Variants in AUTS2 observed in about 807,000 individuals in gnomAD.
The protein encoded by AUTS2 is autism susceptibility gene 2 protein.
AUTS2 carries 17 observed loss-of-function variants against 112.4 expected under a neutral mutation model. That is an observed-to-expected ratio of 0.15 (90% CI 0.10 to 0.23). The LOEUF (loss-of-function observed/expected upper bound fraction) is 0.23, where lower values mean the gene tolerates loss of function less well. AUTS2 is among the 10% of genes least tolerant of loss of function. The probability of loss-of-function intolerance (pLI) is 1.00; values close to 1 mark genes in which losing one functional copy is unlikely to be tolerated. For missense variants in AUTS2, 1,510 were observed against 1,701.6 expected (o/e 0.89, Z 1.98); for synonymous variants, 751 against 702.7 (o/e 1.07, Z -1.09).
At chr7:70,643,261 A>G (rs1421210113) in intron 5 of AUTS2, among the ~76,000 whole-genome samples, 1 of 152,200 alleles carries the variant, frequency 6.6e-6, no homozygotes, top group Non-Finnish European at 1.5e-5. Flanking sequence ...TGTCTTGTGG[A>G]CACGGAACAT....
intron 5 of AUTS2, among the ~76,000 whole-genome samples, chr7:70,591,388 G>GTTTA (rs1361087726): frequency 6.7e-6 from 1 of 149,600 alleles, no homozygotes; most frequent in African/African-American, 2.5e-5. Context: ...CCCAGTCTTT[G>GTTTA]TTTGTTTGTT....
intron 5 of AUTS2, among the ~76,000 whole-genome samples, chr7:70,463,235 G>C (rs925213903): frequency 2.0e-5 from 3 of 152,210 alleles, no homozygotes; most frequent in Non-Finnish European, 2.9e-5. Flanking sequence ...CACTTTGGCA[G>C]AGCCTTGAAA....
chr7:70,235,262 T>G (rs1812261729), intron 4 of AUTS2, among the ~76,000 whole-genome samples: 1 of 151,886 alleles, frequency 6.6e-6, no homozygotes. Flanking sequence ...GCCTCCTGAT[T>G]AGCTGGGACT....
intron 6 of AUTS2, among the ~76,000 whole-genome samples, chr7:70,715,285 A>C (rs1317730701): frequency 6.6e-6 from 1 of 152,198 alleles, no homozygotes; most frequent in Non-Finnish European, 1.5e-5. Flanking sequence ...AGCTTTTCTT[A>C]CATGGTTTGT....
chr7:69,609,052 A>G (rs879560402), intron 1 of AUTS2, among the ~76,000 whole-genome samples: 2 of 152,228 alleles, frequency 1.3e-5, no homozygotes, highest in Non-Finnish European at 2.9e-5. Flanking sequence ...AGAGGCACAG[A>G]TGTTGTCTTT....
intron 5 of AUTS2, among the ~76,000 whole-genome samples, chr7:70,647,370 C>G (rs771466166): frequency 1.3e-5 from 2 of 152,232 alleles, no homozygotes; most frequent in African/African-American, 4.8e-5. Flanking sequence ...TCTGCAAGCC[C>G]TGAATGTGCC....
At chr7:70,644,297 G>C (rs1428125348) in intron 5 of AUTS2, among the ~76,000 whole-genome samples, 1 of 152,198 alleles carries the variant, frequency 6.6e-6, no homozygotes, top group Non-Finnish European at 1.5e-5. Context: ...GAGGAGTGGT[G>C]ATGGAGAGGG....
At chr7:69,958,615 G>A (rs1262854598) in intron 2 of AUTS2, among the ~76,000 whole-genome samples, 1 of 152,124 alleles carries the variant, frequency 6.6e-6, no homozygotes, top group Non-Finnish European at 1.5e-5. Flanking sequence ...CTGACACTGT[G>A]TGGCCTTCTC....
chr7:69,896,816 C>T (rs1304435914), intron 1 of AUTS2, among the ~76,000 whole-genome samples: 3 of 152,196 alleles, frequency 2.0e-5, no homozygotes, highest in African/African-American at 7.2e-5. Context: ...CCAGCTGCCT[C>T]AAGGCCTTTG....
At chr7:70,559,898 A>G (rs554067028) in intron 5 of AUTS2, among the ~76,000 whole-genome samples, 2 of 152,314 alleles carry the variant, frequency 1.3e-5, no homozygotes, top group South Asian at 4.2e-4. Context: ...ATTAGCTGCA[A>G]AGAGTTCAAG....
intron 4 of AUTS2, among the ~76,000 whole-genome samples, chr7:70,318,563 G>A (rs908654758): frequency 1.3e-5 from 2 of 152,122 alleles, no homozygotes; most frequent in African/African-American, 4.8e-5. Flanking sequence ...AATAGATTGG[G>A]TAAGTCTTTC....
chr7:70,791,020 GGAA>G lies in AUTS2; in HGVS notation c.*31_*33del. 2.7e-6 allele frequency: 4 copies of G among 1,475,104 alleles called. No homozygotes were observed. The highest frequency in any genetic ancestry group is 1.5e-5 in the South Asian group (1 of 68,100). 91.4% of individuals were successfully genotyped at this position (1,475,104 alleles called of 1,614,324 possible). A position where few individuals can be genotyped will look rare whatever the true frequency, so the allele number is the denominator to read the frequency against. On this transcript the variant is annotated 3_prime_UTR_variant, in exon 19 of 19. Transcript: ENST00000342771. ...AAGCCGAGAACAGGAGCAAGAACGAGGAAGAAGAAACCCTAGGCAGACACCAGG... is the reference window on the plus strand; with the variant it reads ...AAGCCGAGAACAGGAGCAAGAACGAGGAAGAAACCCTAGGCAGACACCAGG...
chr7:69,757,406 A>T (rs1787984914), intron 1 of AUTS2, among the ~76,000 whole-genome samples: 1 of 152,204 alleles, frequency 6.6e-6, no homozygotes. Context: ...TTTTCTATTT[A>T]CATAACAATC....
chr7:70,372,739 C>T (rs1792895436), intron 4 of AUTS2, among the ~76,000 whole-genome samples: 1 of 149,324 alleles, frequency 6.7e-6, no homozygotes, highest in Non-Finnish European at 1.5e-5. Context: ...TCCTTAAAAA[C>T]AAAGAGGAAA....
At chr7:70,550,569 A>G (rs375244338) in intron 5 of AUTS2, among the ~76,000 whole-genome samples, 2 of 152,320 alleles carry the variant, frequency 1.3e-5, no homozygotes, top group East Asian at 1.9e-4. Context: ...TTTTAAAATA[A>G]GTATGTAATA....
chr7:70,700,314 G>T (rs1007304712), intron 6 of AUTS2, among the ~76,000 whole-genome samples: 4 of 152,170 alleles, frequency 2.6e-5, no homozygotes, highest in African/African-American at 9.7e-5. Context: ...GCCTTGAAAG[G>T]ATTAAGGTTT....
At chr7:70,734,419 G>A (rs1265191341) in intron 6 of AUTS2, among the ~76,000 whole-genome samples, 1 of 151,312 alleles carries the variant, frequency 6.6e-6, no homozygotes, top group Non-Finnish European at 1.5e-5. Flanking sequence ...CAGCCTGGGA[G>A]ACAGAGTGAG....
At chr7:69,646,155 C>T (rs754678749) in intron 1 of AUTS2, among the ~76,000 whole-genome samples, 15 of 152,016 alleles carry the variant, frequency 9.9e-5, no homozygotes, top group Non-Finnish European at 5.9e-5. Context: ...CTTTTTTAAA[C>T]TAGTATAATA....
At position 70,716,593 on chromosome 7, in the gene AUTS2, C is replaced by T. The variant is rs575553200; in HGVS notation, c.742+17973C>T. Among the ~76,000 whole-genome samples, 5 of 137,486 alleles carry T rather than the reference C, an allele frequency of 3.6e-5. No individual in the cohort carries two copies. The East Asian group carries it at 6.7e-4, about 18-fold the overall frequency. The allele number at this position is 137,486 out of a possible 152,430, so 90.2% of individuals were successfully genotyped here. A position where few individuals can be genotyped will look rare whatever the true frequency, so the allele number is the denominator to read the frequency against. ...CAGAGCTTGCAGTGAGCCTAGATGG[C>T]GCCACTGCACTCCAACCTGGGTGAC... is the stretch of plus-strand genomic sequence containing the variant. On this transcript the variant is annotated intron_variant, in intron 6 of 18. Transcript: ENST00000342771.
Sources: allele counts gnomAD v4.1 joint callset (sites outside exome capture counted in the v4.1 genomes callset), GRCh38; gene constraint gnomAD v4.1.1; transcripts MANE v1.5; gene names NCBI Gene and HGNC (gene_info 2026-07-23, HGNC 2026-07-21).